The following C10orf88 variants were observed in gnomAD, a reference collection of about 807,000 sequenced individuals.
C10orf88 encodes chromosome 10 open reading frame 88, also known as ATPase PAAT.
Under a neutral mutation model 34.2 loss-of-function variants are expected in C10orf88, and 29 were observed. The observed-to-expected ratio is 0.85, with a 90% CI of 0.63 to 1.16. The LOEUF is 1.16. Among genes scored for constraint, C10orf88 ranks in the 50% most tolerant of loss-of-function variants. The pLI, the probability that C10orf88 is intolerant of heterozygous loss-of-function variation, is 0.00. For synonymous variants in C10orf88, 194 were observed against 197.4 expected, an observed-to-expected ratio of 0.98 and a Z score of 0.15; for missense variants, 507 against 533.2, an observed-to-expected ratio of 0.95 and a Z score of 0.48.
In C10orf88 at chr10:122,948,651, G is replaced by T; in HGVS notation, c.646C>A (p.Arg216=). 1 of 1,612,218 alleles carries T rather than the reference G, an allele frequency of 6.2e-7. No homozygotes were observed. The highest frequency in any genetic ancestry group is 8.5e-7 in the Non-Finnish European group (1 of 1,178,840). ...GAAAGAAATCCATTTCTACTTACCCGCTGCTGACACCTAACCATATCCATC... is the reference window on the plus strand; with the variant it reads ...GAAAGAAATCCATTTCTACTTACCCTCTGCTGACACCTAACCATATCCATC... ...QLMDMVRCQQ[R]NCIPIGEQLQ... The change falls in exon 4 of 6, where the codon CGG becomes AGG. Residue 216 remains arginine (R), a splice_region_variant and synonymous_variant. Transcript: ENST00000481909.
intron 4 of C10orf88, among the ~76,000 whole-genome samples, chr10:122,946,871 C>G (rs937951944): frequency 6.6e-5 from 10 of 151,944 alleles, no homozygotes; most frequent in African/African-American, 2.4e-4. Context: ...GGGAACATAT[C>G]TAGATATTTA....
At chr10:122,936,613 AT>A (rs915456319) in intron 5 of C10orf88, among the ~76,000 whole-genome samples, 3 of 151,938 alleles carry the variant, frequency 2.0e-5, no homozygotes, top group Non-Finnish European at 4.4e-5. Flanking sequence ...CTCTTTTCTA[AT>A]GTAATCATTT....
At chr10:122,946,472 G>C (rs1344763667) in intron 4 of C10orf88, among the ~76,000 whole-genome samples, 3 of 152,122 alleles carry the variant, frequency 2.0e-5, no homozygotes, top group Non-Finnish European at 4.4e-5. Flanking sequence ...CTAGGATTCT[G>C]CAAGTACATA....
intron 3 of C10orf88, among the ~76,000 whole-genome samples, chr10:122,951,405 C>T (rs909336079): frequency 6.6e-5 from 10 of 151,888 alleles, no homozygotes; most frequent in Non-Finnish European, 1.2e-4. Context: ...TGGGGTTTCA[C>T]TCTGTTGCCC....
In C10orf88 at chr10:122,954,180, C is replaced by T; in HGVS notation, c.-2G>A. 6.4e-7 allele frequency: 1 copy of T among 1,561,450 alleles called. No homozygotes were observed. Among genetic ancestry groups the T allele is most frequent in the South Asian group, 1.2e-5 (1 of 84,830 alleles). On this transcript the variant is annotated 5_prime_UTR_variant, in exon 1 of 6. Coordinates refer to ENST00000481909, the MANE Select transcript of C10orf88 (RefSeq NM_024942.4). The stretch of plus-strand genomic sequence containing the variant: ...CCCGTCCTCGGTCCGCGTCTCCATT[C>T]CGCCGCCTTCAGTCAGGCCAGCCCA...
At position 122,954,168 on chromosome 10, in the gene C10orf88, C is replaced by G. The variant is rs775693796; in HGVS notation, c.11G>C (p.Arg4Pro). Residue 4 changes from arginine (R) to proline (P), a missense_variant, in exon 1 of 6, where the codon CGG becomes CCG. Physicochemically the swap from Arg to Pro is moderately radical, Grantham distance 103 (BLOSUM62 -2). Transcript: ENST00000481909. ...GCGGGTGAGGCCCCCGTCCTCGGTCCGCGTCTCCATTCCGCCGCCTTCAGT... is the reference window on the plus strand; with the variant it reads ...GCGGGTGAGGCCCCCGTCCTCGGTCGGCGTCTCCATTCCGCCGCCTTCAGT... MET[R>P]TEDGGLTRRP... is the part of the protein sequence containing the mutation. 12 of 1,570,750 alleles carry G rather than the reference C, an allele frequency of 7.6e-6. No homozygotes were observed. Among genetic ancestry groups the G allele is most frequent in the Non-Finnish European group, 8.6e-6 (10 of 1,164,604 alleles).
chr10:122,944,416 C>T (rs1158525264), intron 4 of C10orf88, among the ~76,000 whole-genome samples: 1 of 150,874 alleles, frequency 6.6e-6, no homozygotes, highest in Non-Finnish European at 1.5e-5. Context: ...GGGAGATATA[C>T]CTAATGCTAG....
chr10:122,943,434 T>C (rs1360166862), intron 4 of C10orf88, among the ~76,000 whole-genome samples: 1 of 149,894 alleles, frequency 6.7e-6, no homozygotes, highest in Non-Finnish European at 1.5e-5. Flanking sequence ...GAAGAAAACC[T>C]AGGCATTACC....
At chr10:122,939,471 G>A (rs1161677456) in intron 4 of C10orf88, among the ~76,000 whole-genome samples, 1 of 151,846 alleles carries the variant, frequency 6.6e-6, no homozygotes, top group East Asian at 1.9e-4. Context: ...GAAGCTGGGG[G>A]AAGATTTGTA....
chr10:122,949,334 T>C (rs1285232443), intron 3 of C10orf88, among the ~76,000 whole-genome samples: 1 of 152,166 alleles, frequency 6.6e-6, no homozygotes, highest in African/African-American at 2.4e-5. Flanking sequence ...AAAAGTTATG[T>C]GAATATGGTC....
Position 122,937,762 on chromosome 10 carries a change from T to C in C10orf88, c.1046A>G (p.Asn349Ser). The C allele has an allele frequency of 6.2e-7, 1 of 1,613,000 alleles. No homozygotes were observed. The highest frequency in any genetic ancestry group is 8.5e-7 in the Non-Finnish European group (1 of 1,179,292). ...GATGTTTTCCTGACACTCGGTCTTATTTCCCACATGGAGATGATTAACTTG... is the reference window on the plus strand; with the variant it reads ...GATGTTTTCCTGACACTCGGTCTTACTTCCCACATGGAGATGATTAACTTG... ...CSQVNHLHVG[N>S]KTECQENITK... The change falls in exon 5 of 6, where the codon AAT becomes AGT. Residue 349 changes from asparagine (N) to serine (S), a missense_variant. Asn to Ser is a conservative substitution (Grantham distance 46, BLOSUM62 1). Coordinates refer to ENST00000481909, the MANE Select transcript of C10orf88 (RefSeq NM_024942.4).
At position 122,932,529 on chromosome 10, in the gene C10orf88, A is replaced by T; in HGVS notation, c.1236T>A (p.Ile412=). 6.2e-7 allele frequency: 1 copy of T among 1,614,056 alleles called. No homozygotes were observed. The highest frequency in any genetic ancestry group is 1.1e-5 in the South Asian group (1 of 91,082). The change falls in exon 6 of 6, where the codon ATT becomes ATA. Residue 412 remains isoleucine, a synonymous_variant. Coordinates refer to ENST00000481909, the MANE Select transcript of C10orf88 (RefSeq NM_024942.4). ...HELQEHIDDK[I]ALLLDLLQNP... ...TTTGCAGCAAATCCAGTAACAAAGC[A>T]ATCTTATCATCAATGTGCTCCTGGA...
chr10:122,948,946 G>C (rs1848665707), intron 3 of C10orf88, 91 bp from the exon 4 acceptor site: 1 of 1,115,908 alleles, frequency 9.0e-7, no homozygotes, highest in Non-Finnish European at 1.3e-6. Context: ...CAAGAGTGAA[G>C]TATTCAAGAA....
intron 5 of C10orf88, among the ~76,000 whole-genome samples, chr10:122,934,130 C>T (rs1848511635): frequency 6.6e-6 from 1 of 152,076 alleles, no homozygotes. Context: ...TCTCAGTGCC[C>T]TTTATCCAAT....
At chr10:122,940,198 A>G (rs557039111) in intron 4 of C10orf88, among the ~76,000 whole-genome samples, 1 of 152,084 alleles carries the variant, frequency 6.6e-6, no homozygotes, top group African/African-American at 2.4e-5. Context: ...ATGAAATATC[A>G]TTGAATGAAT....
intron 4 of C10orf88, among the ~76,000 whole-genome samples, chr10:122,941,613 A>C (rs1379123458): frequency 6.6e-6 from 1 of 152,164 alleles, no homozygotes; most frequent in South Asian, 2.1e-4. Flanking sequence ...TCTATGCCTT[A>C]GAATGTATAG....
chr10:122,943,419 C>T (rs1267293525), intron 4 of C10orf88, among the ~76,000 whole-genome samples: 7 of 150,672 alleles, frequency 4.6e-5, no homozygotes, highest in African/African-American at 1.7e-4. Context: ...ACCATAAAAA[C>T]CCTAGAAGAA....
At chr10:122,938,285 C>T (rs1168496690) in intron 4 of C10orf88, 126 bp from the exon 5 acceptor site, 16 of 793,586 alleles carry the variant, frequency 2.0e-5, no homozygotes, top group African/African-American at 3.5e-5. Context: ...ATAAAGTAGG[C>T]CACTAATACT....
intron 4 of C10orf88, among the ~76,000 whole-genome samples, chr10:122,940,128 C>T (rs565060845): frequency 2.0e-5 from 3 of 151,780 alleles, no homozygotes; most frequent in Non-Finnish European, 2.9e-5. Context: ...TACTCACAAC[C>T]GCCAAGATAC....
Sources: gnomAD v4.1 joint callset for allele counts (sites outside exome capture counted in the v4.1 genomes callset) on GRCh38, gnomAD v4.1.1 for gene constraint, MANE v1.5 for transcripts, NCBI Gene and HGNC (gene_info 2026-07-23, HGNC 2026-07-21) for gene names.